PPFIA2: variants seen among roughly 807,000 people sequenced by gnomAD.
The protein encoded by PPFIA2 is liprin-alpha-2.
A neutral mutation model predicts 175.5 loss-of-function variants in PPFIA2; 46 were observed. The ratio of observed to expected loss-of-function variants is 0.26; its 90% CI spans 0.21 to 0.34. The LOEUF (loss-of-function observed/expected upper bound fraction) is 0.34. Among genes scored for constraint, PPFIA2 ranks in the 10% least tolerant of loss-of-function variants. The probability of loss-of-function intolerance (pLI) is 1.00; values close to 1 mark genes in which losing one functional copy is unlikely to be tolerated. For synonymous variants in PPFIA2, 568 were observed against 511.4 expected (o/e 1.11, Z -1.49); for missense variants, 1,179 against 1,506.1 (o/e 0.78, Z 3.60).
intron 3 of PPFIA2, among the ~76,000 whole-genome samples, chr12:81,728,537 C>T (rs1221359817): frequency 6.6e-6 from 1 of 151,322 alleles, no homozygotes; most frequent in African/African-American, 2.4e-5. Flanking sequence ...ATCCCCCTCT[C>T]CTTCTCTCAG....
At chr12:81,477,419 T>C (rs190556185) in intron 4 of PPFIA2, among the ~76,000 whole-genome samples, 1 of 152,272 alleles carries the variant, frequency 6.6e-6, no homozygotes, top group African/African-American at 2.4e-5. Context: ...TATTCCACCA[T>C]TTGTTCATTG....
intron 4 of PPFIA2, among the ~76,000 whole-genome samples, chr12:81,630,438 G>A (rs1334568709): frequency 6.6e-6 from 1 of 152,090 alleles, no homozygotes; most frequent in African/African-American, 2.4e-5. Flanking sequence ...AGCTTCTATA[G>A]AACATACAGG....
At chr12:81,309,647 A>G (rs1486075551) in intron 22 of PPFIA2, among the ~76,000 whole-genome samples, 3 of 152,112 alleles carry the variant, frequency 2.0e-5, no homozygotes, top group African/African-American at 7.2e-5. Context: ...CCAGTAAAAC[A>G]TGCTAGGCTG....
chr12:81,595,870 T>G (rs550104515), intron 4 of PPFIA2, among the ~76,000 whole-genome samples: 7 of 152,288 alleles, frequency 4.6e-5, no homozygotes, highest in African/African-American at 1.7e-4. Context: ...CATGCTAAGC[T>G]CTCTTAAATA....
At position 81,756,380 on chromosome 12, in the gene PPFIA2, C is replaced by A. The variant is rs184526249; in HGVS notation, c.-3+2020G>T. The stretch of plus-strand genomic sequence containing the variant: ...AGGCAAAGCATAACAGCAGTGAATA[C>A]CCCAATATAATTTTCACCTGAAAAT... On this transcript the variant is annotated intron_variant, in intron 2 of 32. Transcript: ENST00000549396. Among the ~76,000 whole-genome samples, 428 of 152,156 alleles carry A rather than the reference C, an allele frequency of 2.8e-3. 5 individuals are homozygous for A. The highest frequency in any genetic ancestry group is 8.4e-4 in the Non-Finnish European group (57 of 67,950).
intron 3 of PPFIA2, among the ~76,000 whole-genome samples, chr12:81,736,283 C>T (rs1274498999): frequency 6.6e-6 from 1 of 151,902 alleles, no homozygotes; most frequent in Non-Finnish European, 1.5e-5. Context: ...TTAATTTACT[C>T]TTAAGTATTT....
chr12:81,368,103 C>G (rs768128248), intron 13 of PPFIA2: 2 of 1,287,792 alleles, frequency 1.6e-6, no homozygotes, highest in South Asian at 2.5e-5. Context: ...TATACCCTAC[C>G]TTAATTTATG....
At chr12:81,603,074 T>C (rs531238207) in intron 4 of PPFIA2, among the ~76,000 whole-genome samples, 5 of 151,946 alleles carry the variant, frequency 3.3e-5, no homozygotes, top group African/African-American at 1.2e-4. Flanking sequence ...AGCCTGGTCA[T>C]AGTCTTATTA....
At chr12:81,404,570 G>C (rs1450789044) in intron 8 of PPFIA2, among the ~76,000 whole-genome samples, 1 of 152,148 alleles carries the variant, frequency 6.6e-6, no homozygotes, top group Non-Finnish European at 1.5e-5. Flanking sequence ...CTCAGATAAA[G>C]CTAATGAAAT....
chr12:81,585,699 G>A (rs539999641), intron 4 of PPFIA2, among the ~76,000 whole-genome samples: 4 of 151,830 alleles, frequency 2.6e-5, no homozygotes, highest in African/African-American at 9.7e-5. Context: ...AATTCTTCCT[G>A]AAGTACCTGC....
chr12:81,523,833 T>C (rs187678597), intron 4 of PPFIA2, among the ~76,000 whole-genome samples: 69 of 152,338 alleles, frequency 4.5e-4, no homozygotes, highest in African/African-American at 1.5e-3. Context: ...GGTCACAGTC[T>C]TGCTTTTTTT....
intron 9 of PPFIA2, chr12:81,378,325 G>A (rs1054441585): frequency 1.1e-4 from 16 of 151,800 alleles, no homozygotes; most frequent in African/African-American, 3.9e-4. Context: ...TGTCTTCTTT[G>A]TCTAGCTCAA....
Position 81,732,512 on chromosome 12 carries a change from T to TA in PPFIA2, c.249+21460_249+21461insT, listed in dbSNP as rs1400131714. On this transcript the variant is annotated intron_variant, in intron 3 of 32. Transcript: ENST00000549396. ...AAAGAAATATGGATGATGTTTTTTT[T>TA]TAAAAAAAAAAAAAAAACACTCACA... 8.3e-4 allele frequency among the ~76,000 whole-genome samples: 106 copies of TA among 127,500 alleles called. 2 individuals are homozygous for TA. In the South Asian group the frequency reaches 0.015, roughly 18 times the overall value. 83.6% of individuals were successfully genotyped at this position (127,500 alleles called of 152,430 possible). A position where few individuals can be genotyped will look rare whatever the true frequency, so the allele number is the denominator to read the frequency against.
At chr12:81,673,708 A>G (rs887198918) in intron 4 of PPFIA2, among the ~76,000 whole-genome samples, 1 of 152,024 alleles carries the variant, frequency 6.6e-6, no homozygotes, top group Admixed American at 6.6e-5. Context: ...TTTTTTCTCC[A>G]ATGATAAAAG....
At chr12:81,344,994 G>T (rs2058802202) in intron 18 of PPFIA2, among the ~76,000 whole-genome samples, 1 of 152,122 alleles carries the variant, frequency 6.6e-6, no homozygotes, top group South Asian at 2.1e-4. Flanking sequence ...GAGTGAGTGA[G>T]TCTAGCTAGA....
At chr12:81,528,308 C>T (rs1198900748) in intron 4 of PPFIA2, among the ~76,000 whole-genome samples, 1 of 151,904 alleles carries the variant, frequency 6.6e-6, no homozygotes, top group African/African-American at 2.4e-5. Context: ...AATTCAGAAG[C>T]GCAACAAAAT....
At position 81,701,414 on chromosome 12, in the gene PPFIA2, C is replaced by T. The variant is rs116679640; in HGVS notation, c.250-24570G>A. Among the ~76,000 whole-genome samples the T allele has an allele frequency of 1.5e-3, 225 of 152,182 alleles. 1 individual carries two copies. Among genetic ancestry groups the T allele is most frequent in the African/African-American group, 5.2e-3 (215 of 41,504 alleles). ...GAAGAAACCACACAATGTTGGAACACTGTTAATACATCCATCCACATAATT... is the reference window on the plus strand; with the variant it reads ...GAAGAAACCACACAATGTTGGAACATTGTTAATACATCCATCCACATAATT... On this transcript the variant is annotated intron_variant, in intron 3 of 32. Coordinates refer to ENST00000549396, the MANE Select transcript of PPFIA2 (RefSeq NM_003625.5).
chr12:81,426,405 T>C (rs1400227330), intron 7 of PPFIA2, among the ~76,000 whole-genome samples: 2 of 152,152 alleles, frequency 1.3e-5, no homozygotes, highest in Non-Finnish European at 2.9e-5. Context: ...TGTGAGGCTT[T>C]CTAGTGATTT....
intron 4 of PPFIA2, among the ~76,000 whole-genome samples, chr12:81,462,585 C>CATATATATATAT (rs71098145): frequency 3.6e-4 from 45 of 124,668 alleles, no homozygotes; most frequent in African/African-American, 8.8e-4. Context: ...TATATATATA[C>CATATATATATAT]ATATATATAT....
Sources: gnomAD v4.1 joint callset for allele counts (sites outside exome capture counted in the v4.1 genomes callset) on GRCh38, gnomAD v4.1.1 for gene constraint, MANE v1.5 for transcripts, NCBI Gene and HGNC (gene_info 2026-07-23, HGNC 2026-07-21) for gene names.